Variants in NNMT observed in about 807,000 individuals in gnomAD.
NNMT encodes nicotinamide N-methyltransferase.
A neutral mutation model predicts 11.7 loss-of-function variants in NNMT; 10 were observed. The ratio of observed to expected loss-of-function variants is 0.85; its 90% CI spans 0.53 to 1.45. NNMT has a LOEUF of 1.45. Among genes scored for constraint, NNMT ranks in the 40% most tolerant of loss-of-function variants. The pLI, the probability that NNMT is intolerant of heterozygous loss-of-function variation, is 0.00. For missense variants in NNMT, 381 were observed against 319.4 expected, an observed-to-expected ratio of 1.19 and a Z score of -1.47; for synonymous variants, 143 against 133.8, an observed-to-expected ratio of 1.07 and a Z score of -0.48.
chr11:114,306,988 C>T (rs1945498041), intron 2 of NNMT, among the ~76,000 whole-genome samples: 1 of 152,228 alleles, frequency 6.6e-6, no homozygotes, highest in Non-Finnish European at 1.5e-5. Context: ...TCTGGACTTT[C>T]ACAGCTTGCA....
chr11:114,275,530 C>T (rs1055322034), intron 2 of NNMT, among the ~76,000 whole-genome samples: 11 of 152,144 alleles, frequency 7.2e-5, no homozygotes, highest in Non-Finnish European at 1.3e-4. Context: ...TAGGCTTGCC[C>T]GTGCCAATAG....
intron 2 of NNMT, among the ~76,000 whole-genome samples, chr11:114,290,307 T>C (rs924955864): frequency 6.6e-6 from 1 of 152,212 alleles, no homozygotes; most frequent in Admixed American, 6.5e-5. Flanking sequence ...ATTTTACGCT[T>C]TGTATTTGTC....
rs766962763 is a variant in NNMT at position 114,312,295 on chromosome 11, A to T, written c.613A>T (p.Met205Leu). The change falls in exon 3 of 3, where the codon ATG becomes TTG. Residue 205 changes from methionine (M) to leucine (L), a missense_variant. Transcript: ENST00000299964. ...GGATGCGCTCAAGAGCAGCTACTAC[A>T]TGATTGGTGAGCAGAAGTTCTCCAG... Reference protein sequence around the residue: ...IMDALKSSYYMIGEQKFSSLP... With the variant: ...IMDALKSSYYLIGEQKFSSLP... The T allele has an allele frequency of 6.2e-7, 1 of 1,614,180 alleles. No homozygotes were observed. Among genetic ancestry groups the T allele is most frequent in the Non-Finnish European group, 8.5e-7 (1 of 1,180,024 alleles).
upstream of NNMT, among the ~76,000 whole-genome samples, chr11:114,295,419 CTT>C (rs35621813): frequency 4.7e-5 from 4 of 85,004 alleles, no homozygotes; most frequent in East Asian, 4.0e-4. Context: ...TTAAAGAATT[CTT>C]TTTTTTTTTT....
At chr11:114,291,401 C>A (rs1392624398), upstream of NNMT, among the ~76,000 whole-genome samples, 1 of 152,214 alleles carries the variant, frequency 6.6e-6, no homozygotes, top group Non-Finnish European at 1.5e-5. Context: ...ACACAACTTT[C>A]CTTTGCCAGT....
At chr11:114,303,821 C>T (rs906674195) in intron 2 of NNMT, among the ~76,000 whole-genome samples, 8 of 152,180 alleles carry the variant, frequency 5.3e-5, no homozygotes, top group Non-Finnish European at 7.4e-5. Flanking sequence ...AGGTGATTTC[C>T]CACCTTAGCC....
At chr11:114,279,689 C>A (rs375501044) in intron 2 of NNMT, among the ~76,000 whole-genome samples, 2 of 152,190 alleles carry the variant, frequency 1.3e-5, no homozygotes, top group Admixed American at 1.3e-4. Flanking sequence ...GTAGCTCAGG[C>A]GTGGCTCTAG....
chr11:114,297,919 A>G, intron 1 of NNMT, 32 bp from the exon 2 acceptor site: 2 of 1,595,398 alleles, frequency 1.3e-6, no homozygotes, highest in African/African-American at 1.3e-5. Flanking sequence ...GAGATGCCTG[A>G]TCTCTCCTCT....
At chr11:114,295,246 T>G (rs970240756), upstream of NNMT, among the ~76,000 whole-genome samples, 1 of 152,060 alleles carries the variant, frequency 6.6e-6, no homozygotes, top group Admixed American at 6.6e-5. Context: ...TAAGGCCAGT[T>G]CCTGGAATTA....
intron 1 of NNMT, among the ~76,000 whole-genome samples, chr11:114,260,584 G>A (rs903099842): frequency 2.6e-5 from 4 of 152,198 alleles, no homozygotes; most frequent in Non-Finnish European, 5.9e-5. Context: ...AGCCCTGCTG[G>A]TTCTCCCATT....
intron 2 of NNMT, among the ~76,000 whole-genome samples, chr11:114,273,022 G>A (rs1305417226): frequency 2.6e-5 from 4 of 152,204 alleles, no homozygotes; most frequent in African/African-American, 9.6e-5. Flanking sequence ...CTGTGTTTCT[G>A]TGTTTTCCTG....
intron 2 of NNMT, 40 bp from the exon 3 acceptor site, chr11:114,312,005 C>A: frequency 6.6e-7 from 1 of 1,524,588 alleles, no homozygotes; most frequent in South Asian, 1.3e-5. Flanking sequence ...TTCCCCATGA[C>A]TGGAGTGGAA....
intron 2 of NNMT, among the ~76,000 whole-genome samples, chr11:114,286,980 G>A (rs775961014): frequency 6.6e-6 from 1 of 152,168 alleles, no homozygotes; most frequent in Non-Finnish European, 1.5e-5. Flanking sequence ...TCTCATTGTG[G>A]TTTAATTTGC....
chr11:114,261,615 G>C (rs1945081644), intron 1 of NNMT, among the ~76,000 whole-genome samples: 1 of 150,268 alleles, frequency 6.7e-6, no homozygotes, highest in South Asian at 2.1e-4. Context: ...CAAACAAAAA[G>C]CTGCCTTGGT....
At chr11:114,273,041 C>T (rs1217565097) in intron 2 of NNMT, among the ~76,000 whole-genome samples, 2 of 152,172 alleles carry the variant, frequency 1.3e-5, no homozygotes, top group Admixed American at 6.5e-5. Context: ...TGGATCTGCA[C>T]GTATGTGCCT....
At chr11:114,301,168 G>A (rs1013131404) in intron 2 of NNMT, among the ~76,000 whole-genome samples, 2 of 152,088 alleles carry the variant, frequency 1.3e-5, no homozygotes, top group Non-Finnish European at 2.9e-5. Context: ...AAATGGTGTA[G>A]CCATTTTGGA....
rs752324476 is a variant in NNMT at position 114,312,735 on chromosome 11, A to C, written c.*258A>C. On this transcript the variant is annotated 3_prime_UTR_variant, in exon 3 of 3. Transcript: ENST00000299964. ...TCATTGCCTGTGCTTACAAAAGAAG[A>C]CCTCACTTCCCTAAACATCTAGTTA... 1.8e-5 allele frequency: 8 copies of C among 453,966 alleles called. No individual in the cohort carries two copies. Among genetic ancestry groups the C allele is most frequent in the South Asian group, 9.6e-5 (2 of 20,868 alleles). 28.1% of individuals were successfully genotyped at this position (453,966 alleles called of 1,614,324 possible).
At chr11:114,284,926 T>C (rs149488604) in intron 2 of NNMT, among the ~76,000 whole-genome samples, 123 of 152,012 alleles carry the variant, frequency 8.1e-4, no homozygotes, top group African/African-American at 2.8e-3. Context: ...CATACCACCA[T>C]GACGGGCTAA....
chr11:114,307,171 C>T (rs1945500157), intron 2 of NNMT, among the ~76,000 whole-genome samples: 1 of 152,196 alleles, frequency 6.6e-6, no homozygotes, highest in Non-Finnish European at 1.5e-5. Context: ...AAACCTTCAA[C>T]TAGCTATTTC....
Sources: allele counts gnomAD v4.1 joint callset (sites outside exome capture counted in the v4.1 genomes callset), GRCh38; gene constraint gnomAD v4.1.1; transcripts MANE v1.5; gene names NCBI Gene and HGNC (gene_info 2026-07-23, HGNC 2026-07-21).